ATAD3C: variants seen among roughly 807,000 people sequenced by gnomAD.
The protein encoded by ATAD3C is ATPase family AAA domain containing 3C.
ATAD3C carries 38 observed loss-of-function variants against 46.3 expected under a neutral mutation model. The observed-to-expected ratio is 0.82, with a 90% CI of 0.63 to 1.08. The LOEUF (loss-of-function observed/expected upper bound fraction) is 1.08, where lower values mean the gene tolerates loss of function less well. ATAD3C is among the 50% of genes least tolerant of loss of function. ATAD3C has a pLI of 0.00. For missense variants in ATAD3C, 563 were observed against 572.7 expected, an observed-to-expected ratio of 0.98 and a Z score of 0.17; for synonymous variants, 220 against 236.4, an observed-to-expected ratio of 0.93 and a Z score of 0.63.
At chr1:1,460,380 C>T (rs948753854) in intron 9 of ATAD3C, among the ~76,000 whole-genome samples, 3 of 152,052 alleles carry the variant, frequency 2.0e-5, no homozygotes, top group African/African-American at 7.2e-5. Context: ...TGCGTCTGGC[C>T]AGCGTGGCCA....
chr1:1,452,205 T>C, intron 2 of ATAD3C, 83 bp downstream of exon 2: 2 of 1,586,920 alleles, frequency 1.3e-6, no homozygotes, highest in South Asian at 1.1e-5. Context: ...TCTCCAGCTC[T>C]CCCAGGTCTG....
Position 1,457,091 on chromosome 1 carries a change from A to G in ATAD3C, c.690-38A>G, listed in dbSNP as rs371231670. On this transcript the variant is annotated intron_variant, in intron 7 of 11. Coordinates refer to ENST00000378785, the MANE Select transcript of ATAD3C (RefSeq NM_001039211.3). ...GACGCCGCTGTGGGCTGCTCCTGGC[A>G]TCACTCTCACCCAGCTTGGCCTCCC... is the stretch of plus-strand genomic sequence containing the variant. 1,639 of 1,611,554 alleles carry G rather than the reference A, an allele frequency of 1.0e-3. 26 individuals are homozygous for G. Among genetic ancestry groups the G allele is most frequent in the African/African-American group, 7.2e-3 (536 of 74,918 alleles).
Position 1,455,840 on chromosome 1 carries a change from T to C in ATAD3C, c.488T>C (p.Ile163Thr), listed in dbSNP as rs775091733. The C allele has an allele frequency of 3.5e-5, 56 of 1,613,168 alleles. 1 individual carries two copies. In the Middle Eastern group the frequency reaches 4.9e-4, roughly 14 times the overall value. Residue 163 changes from isoleucine to threonine, a missense_variant, in exon 6 of 12, where the codon ATC (isoleucine) becomes ACC (threonine). Ile to Thr is a moderately conservative substitution (Grantham distance 89). This residue lies in a region of ATAD3C where 263 missense variants were observed against 243.1 expected (regional missense o/e 1.08). Coordinates refer to ENST00000378785, the MANE Select transcript of ATAD3C (RefSeq NM_001039211.3). ...VRDIAIMTRN[I>T]KKNRGLYRHI... The stretch of plus-strand genomic sequence containing the variant: ...GACATCGCCATAATGACAAGGAACA[T>C]CAAGAAGAACCGGGGCCTGTACAGG...
chr1:1,455,771 G>A lies in ATAD3C; in HGVS notation c.439-20G>A. Reference sequence around the variant, plus strand: ...TGTGGGTGCAGACTGTGTCCTCCAAGCCCCTGTCTTCCTCGGCAGCCCAGC... The same window carrying A: ...TGTGGGTGCAGACTGTGTCCTCCAAACCCCTGTCTTCCTCGGCAGCCCAGC... On this transcript the variant is annotated intron_variant, in intron 5 of 11. Coordinates refer to ENST00000378785, the MANE Select transcript of ATAD3C (RefSeq NM_001039211.3). 6.2e-7 allele frequency: 1 copy of A among 1,612,908 alleles called. No homozygotes were observed.
intron 3 of ATAD3C, among the ~76,000 whole-genome samples, chr1:1,453,181 C>G (rs1356502923): frequency 6.6e-6 from 1 of 152,078 alleles, no homozygotes; most frequent in East Asian, 1.9e-4. Flanking sequence ...GAGGACATGA[C>G]AGAGCTGCTT....
intron 8 of ATAD3C, among the ~76,000 whole-genome samples, chr1:1,458,523 G>T (rs1639004571): frequency 6.6e-6 from 1 of 151,494 alleles, no homozygotes; most frequent in East Asian, 1.9e-4. Context: ...CAGGTGATCT[G>T]CCTACCTCGG....
Position 1,460,858 on chromosome 1 carries a change from G to A in ATAD3C, c.921G>A (p.Ala307=), listed in dbSNP as rs72896283. The change falls in exon 10 of 12, where the codon GCG becomes GCA. Residue 307 remains alanine (A), a synonymous_variant. Coordinates refer to ENST00000378785, the MANE Select transcript of ATAD3C (RefSeq NM_001039211.3). ...ACCTGCCAGGGCAGGAGGAGCGGGC[G>A]CGCCTGGTGAGAATGTATCTTAACG... The part of the protein sequence containing the change: ...HFDLPGQEER[A]RLVRMYLNEY... The A allele has an allele frequency of 1.4e-5, 22 of 1,612,788 alleles. No homozygotes were observed. Among genetic ancestry groups the A allele is most frequent in the Admixed American group, 5.0e-5 (3 of 59,890 alleles).
At position 1,459,248 on chromosome 1, in the gene ATAD3C, G is replaced by A; in HGVS notation, c.812+17G>A. 6.2e-7 allele frequency: 1 copy of A among 1,611,798 alleles called. No individual in the cohort carries two copies. Among genetic ancestry groups the A allele is most frequent in the Non-Finnish European group, 8.5e-7 (1 of 1,179,666 alleles). ...CAGCAACAAGTGAGGGAGCCCCTCG[G>A]GTCCTGGGCCCCCGGGCAGGGCTGT... On this transcript the variant is annotated intron_variant, in intron 9 of 11. Coordinates refer to ENST00000378785, the MANE Select transcript of ATAD3C (RefSeq NM_001039211.3). The surrounding 1 kb of genome is among the most constrained non-coding windows in gnomAD (Gnocchi z 4.9).
At chr1:1,451,939 G>C (rs111805964) in intron 1 of ATAD3C, 107 bp from the exon 2 acceptor site, 1 of 1,501,274 alleles carries the variant, frequency 6.7e-7, no homozygotes, top group East Asian at 2.4e-5. Context: ...CCAGGTGCCC[G>C]GGACGCTTGG....
rs372265864 is a variant in ATAD3C at position 1,459,422 on chromosome 1, C to T, written c.812+191C>T. On this transcript the variant is annotated intron_variant, in intron 9 of 11. Coordinates refer to ENST00000378785, the MANE Select transcript of ATAD3C (RefSeq NM_001039211.3). This position sits in a 1 kb window ranked among gnomAD's most constrained non-coding sequence, Gnocchi z 4.9. ...GCACGGGGTGTCACTGAGGAACATG[C>T]GGGGGCCTCCCGGGCAGAGCTGGGG... is the stretch of plus-strand genomic sequence containing the variant. Among the ~76,000 whole-genome samples, 3 of 151,914 alleles carry T rather than the reference C, an allele frequency of 2.0e-5. No individual in the cohort carries two copies. Among genetic ancestry groups the T allele is most frequent in the South Asian group, 2.1e-4 (1 of 4,826 alleles).
intron 10 of ATAD3C, among the ~76,000 whole-genome samples, chr1:1,461,875 G>A (rs1248777001): frequency 2.6e-5 from 4 of 152,090 alleles, no homozygotes; most frequent in Non-Finnish European, 5.9e-5. Context: ...CTTGCTTCCT[G>A]CTGCACATGT....
rs772115111 is a variant in ATAD3C, at chr1:1,452,084, C to T, written c.114C>T (p.Ser38=). The part of the protein sequence containing the change: ...VNEDLRKQEE[S]VQKHHQTFLE... The stretch of plus-strand genomic sequence containing the variant: ...AGGATTTACGGAAGCAGGAGGAGTC[C>T]GTGCAGAAGCACCATCAGACCTTCT... The change falls in exon 2 of 12, where the codon TCC becomes TCT. Residue 38 remains serine, a synonymous_variant. Transcript: ENST00000378785. 23 of 1,613,664 alleles carry T rather than the reference C, an allele frequency of 1.4e-5. No homozygotes were observed. Among genetic ancestry groups the T allele is most frequent in the Non-Finnish European group, 1.8e-5 (21 of 1,179,672 alleles).
Position 1,462,753 on chromosome 1 carries a change from C to T in ATAD3C, c.1089+45C>T, listed in dbSNP as rs777069699. On this transcript the variant is annotated intron_variant, in intron 11 of 11. Transcript: ENST00000378785. The surrounding 1 kb of genome is among the most constrained non-coding windows in gnomAD (Gnocchi z 4.5). ...ACCCACCCAGATGGAAGCCCAGCTG[C>T]TGTGCAGATGCTTGGTTGCGCCAGG... 2.6e-6 allele frequency: 4 copies of T among 1,551,924 alleles called. No individual in the cohort carries two copies. The highest frequency in any genetic ancestry group is 4.7e-5 in the East Asian group (2 of 42,980).
Position 1,450,717 on chromosome 1 carries a change from C to G in ATAD3C, c.34C>G (p.Gln12Glu), listed in dbSNP as rs776760551. 1 of 1,613,264 alleles carries G rather than the reference C, an allele frequency of 6.2e-7. No homozygotes were observed. Among genetic ancestry groups the G allele is most frequent in the East Asian group, 2.2e-5 (1 of 44,880 alleles). The change falls in exon 1 of 12, where the codon CAG (glutamine) becomes GAG (glutamate). Residue 12 changes from glutamine (Q) to glutamate (E), a missense_variant. Coordinates refer to ENST00000378785, the MANE Select transcript of ATAD3C (RefSeq NM_001039211.3). Reference protein sequence around the residue: ...SKDALNLAQMQEQTLQLEQQS... With the variant: ...SKDALNLAQMEEQTLQLEQQS... The stretch of plus-strand genomic sequence containing the variant: ...GGACGCCCTGAATCTGGCGCAGATG[C>G]AGGAGCAGACGCTGCAGTTGGAGCA...
chr1:1,452,515 C>T (rs928208253), intron 3 of ATAD3C, 81 bp downstream of exon 3: 10 of 1,602,642 alleles, frequency 6.2e-6, no homozygotes, highest in Middle Eastern at 1.9e-4. Flanking sequence ...GGTCCTATCC[C>T]TGCTGGCTCT....
At chr1:1,461,056 C>A in intron 10 of ATAD3C, 139 bp downstream of exon 10, 1 of 1,139,698 alleles carries the variant, frequency 8.8e-7, no homozygotes, top group Non-Finnish European at 1.2e-6. Context: ...CGTGCAGGAG[C>A]CCTGTGGGCC....
rs1639084625 is a variant in ATAD3C at position 1,462,511 on chromosome 1, G to A, written c.981-89G>A. 1 of 1,323,164 alleles carries A rather than the reference G, an allele frequency of 7.6e-7. No individual in the cohort carries two copies. Among genetic ancestry groups the A allele is most frequent in the African/African-American group, 1.5e-5 (1 of 68,402 alleles). The allele number at this position is 1,323,164 out of a possible 1,614,324, so 82.0% of individuals were successfully genotyped here. A position where few individuals can be genotyped will look rare whatever the true frequency, so the allele number is the denominator to read the frequency against. On this transcript the variant is annotated intron_variant, in intron 10 of 11. Coordinates refer to ENST00000378785, the MANE Select transcript of ATAD3C (RefSeq NM_001039211.3). The surrounding 1 kb of genome is among the most constrained non-coding windows in gnomAD (Gnocchi z 4.5). ...CCTCTCAAGGGGGCATCTGGCATGGGTGTCCGCCTGGCTGCCTGTCTTCCG... is the reference window on the plus strand; with the variant it reads ...CCTCTCAAGGGGGCATCTGGCATGGATGTCCGCCTGGCTGCCTGTCTTCCG...
chr1:1,462,679 A>G lies in ATAD3C; in HGVS notation c.1060A>G (p.Lys354Glu), dbSNP rs1272449693. 1.9e-6 allele frequency: 3 copies of G among 1,605,916 alleles called. No individual in the cohort carries two copies. The highest frequency in any genetic ancestry group is 2.5e-6 in the Non-Finnish European group (3 of 1,176,676). Residue 354 changes from lysine to glutamate, a missense_variant, in exon 11 of 12, where the codon AAG becomes GAG. By Grantham distance (56) the Lys-to-Glu change is moderately conservative (BLOSUM62 1). This residue lies in a region of ATAD3C where 273 missense variants were observed against 253.5 expected (regional missense o/e 1.08). Coordinates refer to ENST00000378785, the MANE Select transcript of ATAD3C (RefSeq NM_001039211.3). This position sits in a 1 kb window ranked among gnomAD's most constrained non-coding sequence, Gnocchi z 4.5. Reference protein sequence around the residue: ...ARLTEGMSCRKIAQLAVSWQA... With the variant: ...ARLTEGMSCREIAQLAVSWQA... ...GCTGACAGAGGGCATGTCATGCCGG[A>G]AGATCGCACAGCTGGCCGTGTCCTG... is the stretch of plus-strand genomic sequence containing the variant.
intron 5 of ATAD3C, 46 bp downstream of exon 5, chr1:1,455,565 C>G: frequency 1.2e-6 from 2 of 1,610,806 alleles, no homozygotes; most frequent in South Asian, 1.1e-5. Flanking sequence ...GAGGGGACCC[C>G]GGAGCTGGGC....
Sources: allele counts gnomAD v4.1 joint callset (sites outside exome capture counted in the v4.1 genomes callset), GRCh38; gene constraint gnomAD v4.1.1; regional missense constraint gnomAD v4.1.1; non-coding constraint Gnocchi (gnomAD v3.1); transcripts MANE v1.5; gene names NCBI Gene and HGNC (gene_info 2026-07-23, HGNC 2026-07-21).